The following NFIB variants were observed in gnomAD, a reference collection of about 807,000 sequenced individuals.
The protein encoded by NFIB is nuclear factor I B, also known as nuclear factor 1 B-type.
Under a neutral mutation model 61.5 loss-of-function variants are expected in NFIB, and 11 were observed. The ratio of observed to expected loss-of-function variants is 0.18; its 90% confidence interval spans 0.11 to 0.30. The LOEUF (loss-of-function observed/expected upper bound fraction) is 0.30. Ranked by LOEUF, NFIB falls within the 10% of genes least tolerant of loss-of-function variation. NFIB has a pLI of 1.00. For synonymous variants in NFIB, 260 were observed against 216.5 expected, an observed-to-expected ratio of 1.20 and a Z score of -1.76; for missense variants, 471 against 608.9, an observed-to-expected ratio of 0.77 and a Z score of 2.38.
chr9:14,154,822 G>A (rs2131203849), intron 4 of NFIB, among the ~76,000 whole-genome samples: 1 of 152,320 alleles, frequency 6.6e-6, no homozygotes, highest in East Asian at 1.9e-4. Flanking sequence ...TCAAAAGACA[G>A]TCAGTGATAG....
chr9:14,238,363 C>T (rs1309938675), intron 2 of NFIB, among the ~76,000 whole-genome samples: 1 of 152,152 alleles, frequency 6.6e-6, no homozygotes, highest in African/African-American at 2.4e-5. Context: ...ATAAATGAGA[C>T]TACTCAAGAG....
chr9:14,126,808 C>T (rs2039713602), intron 6 of NFIB, among the ~76,000 whole-genome samples: 1 of 152,170 alleles, frequency 6.6e-6, no homozygotes, highest in South Asian at 2.1e-4. Context: ...AAAACAGAGA[C>T]AGAAATCATG....
upstream of NFIB, among the ~76,000 whole-genome samples, chr9:14,402,426 T>C (rs1204076184): frequency 6.6e-6 from 1 of 152,204 alleles, no homozygotes. Context: ...TTAAATACAG[T>C]TGAAGTAAAG....
Position 14,083,597 on chromosome 9 carries a change from T to A in NFIB, c.*4712A>T. On this transcript the variant is annotated 3_prime_UTR_variant, in exon 11 of 11. Transcript: ENST00000380953. Reference sequence around the variant, plus strand: ...ACAGGAACATGTAAACTATATTGAATGTCATGCTTGGGGCCTATCTGCCAG... The same window carrying A: ...ACAGGAACATGTAAACTATATTGAAAGTCATGCTTGGGGCCTATCTGCCAG... 2 of 228,182 alleles carry A rather than the reference T, an allele frequency of 8.8e-6. No individual in the cohort carries two copies. Among genetic ancestry groups the A allele is most frequent in the Non-Finnish European group, 1.7e-5 (2 of 114,762 alleles). 14.1% of individuals were successfully genotyped at this position (228,182 alleles called of 1,614,324 possible).
the NFIB span, among the ~76,000 whole-genome samples, chr9:14,477,058 G>A: frequency 1.3e-5 from 2 of 152,114 alleles, no homozygotes; most frequent in Admixed American, 1.3e-4. Flanking sequence ...ATTGTTAAGT[G>A]CTCATCTTGA....
intron 7 of NFIB, among the ~76,000 whole-genome samples, chr9:14,124,248 C>T (rs2039346432): frequency 6.6e-6 from 1 of 152,030 alleles, no homozygotes; most frequent in Non-Finnish European, 1.5e-5. Context: ...CATCAGGTGT[C>T]GTAACAAATG....
the NFIB span, among the ~76,000 whole-genome samples, chr9:14,408,552 A>G: frequency 6.6e-6 from 1 of 152,214 alleles, no homozygotes; most frequent in East Asian, 1.9e-4. Flanking sequence ...TTGAAGATTA[A>G]TTTCTGGATG....
intron 1 of NFIB, among the ~76,000 whole-genome samples, chr9:14,383,117 C>T (rs754023536): frequency 6.6e-6 from 1 of 152,180 alleles, no homozygotes; most frequent in Non-Finnish European, 1.5e-5. Flanking sequence ...TAGGTTCACT[C>T]TGTCTTTGAA....
chr9:14,346,673 C>A (rs2061027170), intron 1 of NFIB, among the ~76,000 whole-genome samples: 1 of 152,190 alleles, frequency 6.6e-6, no homozygotes, highest in South Asian at 2.1e-4. Context: ...AATCTCAAAT[C>A]TCGTTAATCC....
At chr9:14,286,742 G>A (rs1415604276) in intron 2 of NFIB, among the ~76,000 whole-genome samples, 2 of 151,620 alleles carry the variant, frequency 1.3e-5, no homozygotes, top group Admixed American at 6.5e-5. Flanking sequence ...CTGGCAGAGT[G>A]CCTGATACAT....
At chr9:14,254,608 AGCT>A (rs1388624977) in intron 2 of NFIB, among the ~76,000 whole-genome samples, 65 of 152,316 alleles carry the variant, frequency 4.3e-4, no homozygotes, top group Admixed American at 4.2e-3. Flanking sequence ...GTTCTCTAAT[AGCT>A]GCTCAAAGGC....
intron 2 of NFIB, among the ~76,000 whole-genome samples, chr9:14,212,864 T>C (rs2050459201): frequency 6.6e-6 from 1 of 152,186 alleles, no homozygotes; most frequent in Admixed American, 6.5e-5. Context: ...ATAAGGAAAT[T>C]GAGGCTCACA....
intron 6 of NFIB, among the ~76,000 whole-genome samples, chr9:14,134,480 ATG>A (rs2040767492): frequency 6.6e-6 from 1 of 152,168 alleles, no homozygotes; most frequent in East Asian, 1.9e-4. Context: ...ACATGCAGTG[ATG>A]TTCACTGTAT....
the NFIB span, among the ~76,000 whole-genome samples, chr9:14,470,648 G>A: frequency 3.9e-5 from 6 of 152,090 alleles, no homozygotes; most frequent in East Asian, 1.9e-4. Flanking sequence ...GAGCAGACAC[G>A]CAGGCAGGCA....
intron 6 of NFIB, among the ~76,000 whole-genome samples, chr9:14,131,612 T>C (rs2040417851): frequency 6.6e-6 from 1 of 152,202 alleles, no homozygotes; most frequent in Non-Finnish European, 1.5e-5. Flanking sequence ...ACAATTTTGA[T>C]CAATTCTAAT....
In NFIB at chr9:14,133,568, A is replaced by C. The variant is rs561584560; in HGVS notation, c.926-7802T>G. On this transcript the variant is annotated intron_variant, in intron 6 of 10. Transcript: ENST00000380953. ...AGAGTCAGTCCTGAGACAAGGAAAC[A>C]GTTTGGGCTCTGTTCCCAGAGGACA... Among the ~76,000 whole-genome samples, 9 of 152,306 alleles carry C rather than the reference A, an allele frequency of 5.9e-5. No individual in the cohort carries two copies. In the South Asian group the frequency reaches 1.9e-3, roughly 32 times the overall value.
chr9:14,208,843 C>G (rs1187176511), intron 2 of NFIB, among the ~76,000 whole-genome samples: 1 of 151,782 alleles, frequency 6.6e-6, no homozygotes, highest in Non-Finnish European at 1.5e-5. Flanking sequence ...TCATCTAGAC[C>G]CACTGATTCA....
chr9:14,529,440 G>C, the NFIB span, among the ~76,000 whole-genome samples: 1 of 152,224 alleles, frequency 6.6e-6, no homozygotes, highest in East Asian at 1.9e-4. Context: ...AAAAATAAAA[G>C]AATCAGTGTC....
At chr9:14,236,474 G>A (rs112197351) in intron 2 of NFIB, among the ~76,000 whole-genome samples, 5 of 152,274 alleles carry the variant, frequency 3.3e-5, no homozygotes, top group African/African-American at 1.2e-4. Context: ...TGTGAGTGAG[G>A]GGTTGATAGG....
Sources: gnomAD v4.1 joint callset for allele counts (sites outside exome capture counted in the v4.1 genomes callset) on GRCh38, gnomAD v4.1.1 for gene constraint, MANE v1.5 for transcripts, NCBI Gene and HGNC (gene_info 2026-07-23, HGNC 2026-07-21) for gene names.